PDE8B: variants seen among roughly 807,000 people sequenced by gnomAD.
The protein encoded by PDE8B is high affinity cAMP-specific and IBMX-insensitive 3',5'-cyclic phosphodiesterase 8B.
In PDE8B, 26 loss-of-function variants were observed where a neutral mutation model predicts 101.3. The ratio of observed to expected loss-of-function variants is 0.26; its 90% confidence interval spans 0.19 to 0.36. The LOEUF (loss-of-function observed/expected upper bound fraction) is 0.36, where lower values mean the gene tolerates loss of function less well. Ranked by LOEUF, PDE8B falls within the 10% of genes least tolerant of loss-of-function variation. The pLI is 1.00. For synonymous variants in PDE8B, 424 were observed against 429.3 expected (o/e 0.99, Z 0.15); for missense variants, 810 against 1,163.1 (o/e 0.70, Z 4.42).
chr5:77,417,244 T>C (rs1795770118), intron 17 of PDE8B, among the ~76,000 whole-genome samples: 1 of 152,188 alleles, frequency 6.6e-6, no homozygotes, highest in African/African-American at 2.4e-5. Flanking sequence ...ATTCCTGTCA[T>C]GGCAAAAAAT....
At chr5:77,343,129 C>T (rs1581148121) in intron 6 of PDE8B, among the ~76,000 whole-genome samples, 1 of 152,302 alleles carries the variant, frequency 6.6e-6, no homozygotes, top group African/African-American at 2.4e-5. Flanking sequence ...TTGTATCATA[C>T]ACACAGATAT....
At chr5:77,356,201 G>T (rs566342906) in intron 10 of PDE8B, among the ~76,000 whole-genome samples, 158 of 152,232 alleles carry the variant, frequency 1.0e-3, no homozygotes, top group African/African-American at 3.6e-3. Flanking sequence ...CTTCGTGCTA[G>T]CCTCTGCGTC....
intron 1 of PDE8B, among the ~76,000 whole-genome samples, chr5:77,306,469 G>A (rs1260517258): frequency 6.6e-6 from 1 of 152,200 alleles, no homozygotes; most frequent in African/African-American, 2.4e-5. Flanking sequence ...ATGAATACAG[G>A]AGTACTGAGG....
At chr5:77,217,301 A>AT (rs1006566126) in intron 1 of PDE8B, among the ~76,000 whole-genome samples, 6 of 149,444 alleles carry the variant, frequency 4.0e-5, no homozygotes, top group South Asian at 2.1e-4. Flanking sequence ...AGTTTATTCC[A>AT]TTTTTTTTCT....
At chr5:77,231,233 A>G (rs1753496794) in intron 1 of PDE8B, among the ~76,000 whole-genome samples, 2 of 152,216 alleles carry the variant, frequency 1.3e-5, no homozygotes, top group African/African-American at 4.8e-5. Context: ...ATGAAGCCAG[A>G]TACAGCAGAC....
chr5:77,290,146 A>C, intron 1 of PDE8B: 2 of 1,298,680 alleles, frequency 1.5e-6, no homozygotes, highest in Admixed American at 4.0e-5. Context: ...CACGTGTGGA[A>C]AATGAATTCC....
intron 1 of PDE8B, among the ~76,000 whole-genome samples, chr5:77,234,152 C>G (rs1345510274): frequency 6.6e-6 from 1 of 152,186 alleles, no homozygotes; most frequent in East Asian, 1.9e-4. Context: ...TGACTTATTT[C>G]CTATTCCTTT....
intron 1 of PDE8B, among the ~76,000 whole-genome samples, chr5:77,305,319 A>C (rs1770943995): frequency 1.3e-5 from 2 of 152,192 alleles, no homozygotes; most frequent in African/African-American, 4.8e-5. Flanking sequence ...GGAGAAGGGA[A>C]GCTCATGGGC....
At chr5:77,091,503 G>A in the PDE8B span, among the ~76,000 whole-genome samples, 1 of 152,112 alleles carries the variant, frequency 6.6e-6, no homozygotes, top group East Asian at 1.9e-4. Context: ...TTAGCCGGGT[G>A]TGGTGGTGGG....
intron 1 of PDE8B, among the ~76,000 whole-genome samples, chr5:77,284,939 CT>C (rs1195914297): frequency 3.5e-4 from 53 of 152,262 alleles, no homozygotes; most frequent in Non-Finnish European, 1.9e-4. Flanking sequence ...TTGGACATAT[CT>C]TTTGGTGCTC....
At chr5:77,409,095 A>G in intron 14 of PDE8B, 38 bp downstream of exon 14, 1 of 1,581,000 alleles carries the variant, frequency 6.3e-7, no homozygotes, top group Non-Finnish European at 8.7e-7. Flanking sequence ...CAAGAGAGGT[A>G]TCCGGGGCCT....
intron 3 of PDE8B, among the ~76,000 whole-genome samples, chr5:77,326,754 T>C (rs944822884): frequency 6.6e-6 from 1 of 152,170 alleles, no homozygotes; most frequent in East Asian, 1.9e-4. Context: ...TATAATAGAA[T>C]TGGGTCTTGT....
chr5:77,143,451 T>C, the PDE8B span, among the ~76,000 whole-genome samples: 2 of 146,212 alleles, frequency 1.4e-5, no homozygotes, highest in Non-Finnish European at 3.1e-5. Context: ...AGCTATGTTA[T>C]AATGGAAATA....
At chr5:77,189,033 C>T in the PDE8B span, among the ~76,000 whole-genome samples, 1 of 152,176 alleles carries the variant, frequency 6.6e-6, no homozygotes, top group Non-Finnish European at 1.5e-5. Flanking sequence ...GCCCTTCCCT[C>T]TGCCTTTCTA....
intron 10 of PDE8B, among the ~76,000 whole-genome samples, chr5:77,366,473 G>A (rs951552087): frequency 6.6e-6 from 1 of 152,178 alleles, no homozygotes; most frequent in Non-Finnish European, 1.5e-5. Context: ...GTAGGCCCTG[G>A]GGTCGGTCAG....
At chr5:77,230,295 A>G (rs562605235) in intron 1 of PDE8B, among the ~76,000 whole-genome samples, 48 of 152,234 alleles carry the variant, frequency 3.2e-4, no homozygotes, top group African/African-American at 1.1e-3. Context: ...CTATATTGGT[A>G]TTCCTTGTCA....
At chr5:77,408,561 T>C (rs2151069799) in intron 13 of PDE8B, among the ~76,000 whole-genome samples, 1 of 152,086 alleles carries the variant, frequency 6.6e-6, no homozygotes, top group South Asian at 2.1e-4. Context: ...GTGTCCAAAG[T>C]CGTGGAGACA....
At chr5:77,122,507 C>G in the PDE8B span, among the ~76,000 whole-genome samples, 15 of 152,196 alleles carry the variant, frequency 9.9e-5, no homozygotes, top group Admixed American at 6.5e-5. Context: ...TTCAGCAGAA[C>G]CTAGGCTCAT....
chr5:77,340,452 A>G (rs1247621636), intron 6 of PDE8B, among the ~76,000 whole-genome samples: 2 of 152,162 alleles, frequency 1.3e-5, no homozygotes, highest in Admixed American at 1.3e-4. Flanking sequence ...GAGTGCCAAC[A>G]AGTAACAAGG....
Sources: allele counts gnomAD v4.1 joint callset (sites outside exome capture counted in the v4.1 genomes callset), GRCh38; gene constraint gnomAD v4.1.1; transcripts MANE v1.5; gene names NCBI Gene and HGNC (gene_info 2026-07-23, HGNC 2026-07-21).